PIEZO2: variants seen among roughly 807,000 people sequenced by gnomAD.
The protein encoded by PIEZO2 is piezo type mechanosensitive ion channel component 2, also known as piezo-type mechanosensitive ion channel component 2.
A neutral mutation model predicts 337.3 loss-of-function variants in PIEZO2; 172 were observed. The observed-to-expected ratio is 0.51, with a 90% CI of 0.45 to 0.58. PIEZO2 has a LOEUF of 0.58. Among genes scored for constraint, PIEZO2 ranks in the 20% least tolerant of loss-of-function variants. PIEZO2 has a pLI of 0.00. For missense variants in PIEZO2, 3,028 were observed against 3,391.3 expected (o/e 0.89, Z 2.66); for synonymous variants, 1,251 against 1,228.5 (o/e 1.02, Z -0.38).
chr18:10,719,568 T>C (rs1456522581), intron 36 of PIEZO2, among the ~76,000 whole-genome samples: 2 of 152,216 alleles, frequency 1.3e-5, no homozygotes, highest in Non-Finnish European at 2.9e-5. Flanking sequence ...CATATACATA[T>C]ATATCATTTT....
chr18:11,131,775 A>G lies in PIEZO2; in HGVS notation c.64+16750T>C, dbSNP rs977859187. 3.3e-5 allele frequency among the ~76,000 whole-genome samples: 5 copies of G among 152,178 alleles called. No homozygotes were observed. The highest frequency in any genetic ancestry group is 1.2e-4 in the African/African-American group (5 of 41,436). On this transcript the variant is annotated intron_variant, in intron 1 of 55. Coordinates refer to ENST00000674853, the MANE Select transcript of PIEZO2 (RefSeq NM_001378183.1). This position sits in a 1 kb window ranked among gnomAD's most constrained non-coding sequence, Gnocchi z 5.3. Reference sequence around the variant, plus strand: ...ACCTGAGTGGTCAAAAACTGTGAAGATATTTGTATCCCATGTGAGTGCTCA... The same window carrying G: ...ACCTGAGTGGTCAAAAACTGTGAAGGTATTTGTATCCCATGTGAGTGCTCA...
intron 4 of PIEZO2, among the ~76,000 whole-genome samples, chr18:10,900,407 C>T (rs1166121873): frequency 2.0e-5 from 3 of 152,150 alleles, no homozygotes; most frequent in African/African-American, 7.2e-5. Flanking sequence ...TAACTTTTCT[C>T]GTTGTGTGGG....
In PIEZO2 at chr18:10,957,672, G is replaced by A. The variant is rs543384089; in HGVS notation, c.286+21863C>T. Reference sequence around the variant, plus strand: ...AAGCAAAAAATAGACAAATGAGATTGCATCAAACCAAAAAGCTTCTGCACA... The same window carrying A: ...AAGCAAAAAATAGACAAATGAGATTACATCAAACCAAAAAGCTTCTGCACA... On this transcript the variant is annotated intron_variant, in intron 3 of 55. Transcript: ENST00000674853. Among the ~76,000 whole-genome samples, 8 of 152,186 alleles carry A rather than the reference G, an allele frequency of 5.3e-5. No homozygotes were observed. The East Asian group carries it at 1.5e-3, about 29-fold the overall frequency.
At chr18:10,875,933 G>T (rs1188789949) in intron 4 of PIEZO2, among the ~76,000 whole-genome samples, 1 of 152,216 alleles carries the variant, frequency 6.6e-6, no homozygotes, top group South Asian at 2.1e-4. Flanking sequence ...ATTGGGCTGC[G>T]ACCCCTACTT....
In PIEZO2 at chr18:10,794,784, T is replaced by C. The variant is rs1407501107; in HGVS notation, c.1746A>G (p.Glu582=). 1 of 1,530,460 alleles carries C rather than the reference T, an allele frequency of 6.5e-7. No individual in the cohort carries two copies. The highest frequency in any genetic ancestry group is 8.7e-7 in the Non-Finnish European group (1 of 1,143,344). 94.8% of individuals were successfully genotyped at this position (1,530,460 alleles called of 1,614,324 possible). A position where few individuals can be genotyped will look rare whatever the true frequency, so the allele number is the denominator to read the frequency against. The change falls in exon 13 of 56, where the codon GAA becomes GAG. Residue 582 remains glutamate (E), a synonymous_variant. Transcript: ENST00000674853. This position sits in a 1 kb window ranked among gnomAD's most constrained non-coding sequence, Gnocchi z 6.6. Reference sequence around the variant, plus strand: ...TCTATTCACTTACTTTGGAAGCAAGTTCTCCTGGCTCTTTCTTTTCTAAAA... The same window carrying C: ...TCTATTCACTTACTTTGGAAGCAAGCTCTCCTGGCTCTTTCTTTTCTAAAA... The part of the protein sequence containing the change: ...PGFLEKKEPG[E]LASKILFTIT...
chr18:10,701,934 C>G (rs1193586203), intron 43 of PIEZO2, 55 bp downstream of exon 43: 10 of 1,404,690 alleles, frequency 7.1e-6, no homozygotes, highest in Non-Finnish European at 9.3e-6. Context: ...GATTACGGTC[C>G]AGGTTATCTA....
intron 3 of PIEZO2, among the ~76,000 whole-genome samples, chr18:10,955,474 T>C (rs900138757): frequency 6.6e-6 from 1 of 152,200 alleles, no homozygotes; most frequent in African/African-American, 2.4e-5. Context: ...TGTATTTTAG[T>C]GTTTTGCTTC....
At chr18:10,915,333 G>A (rs11873907) in intron 3 of PIEZO2, among the ~76,000 whole-genome samples, 1,727 of 142,986 alleles carry the variant, frequency 0.012, 28 homozygotes, top group African/African-American at 0.041. Context: ...GGATGCCCTC[G>A]CCTTCCCTCA....
At chr18:11,113,587 C>T (rs1456183450) in intron 1 of PIEZO2, among the ~76,000 whole-genome samples, 1 of 152,176 alleles carries the variant, frequency 6.6e-6, no homozygotes, top group African/African-American at 2.4e-5. Flanking sequence ...TCTTACAGAC[C>T]TGGGAGGCCC....
chr18:10,793,186 G>A (rs1005008336), intron 13 of PIEZO2, among the ~76,000 whole-genome samples: 12 of 152,134 alleles, frequency 7.9e-5, no homozygotes, highest in Non-Finnish European at 1.3e-4. Context: ...GTGAACCCGG[G>A]AGGCGGAGCT....
intron 3 of PIEZO2, among the ~76,000 whole-genome samples, chr18:10,972,664 G>C (rs1322463764): frequency 6.6e-6 from 1 of 152,236 alleles, no homozygotes; most frequent in East Asian, 1.9e-4. Flanking sequence ...AACTGAAAAA[G>C]ACTATCATAG....
intron 2 of PIEZO2, among the ~76,000 whole-genome samples, chr18:11,011,758 C>T (rs2035911831): frequency 6.6e-6 from 1 of 152,180 alleles, no homozygotes; most frequent in Admixed American, 6.5e-5. Flanking sequence ...CAGAGCTGCC[C>T]CTTGATGTTC....
rs201610330 is a variant in PIEZO2, at chr18:10,759,931, CA to C, written c.3451-23del. 6,054 of 1,395,560 alleles carry C rather than the reference CA, an allele frequency of 4.3e-3. No homozygotes were observed. The highest frequency in any genetic ancestry group is 7.6e-3 in the South Asian group (568 of 74,784). 86.4% of individuals were successfully genotyped at this position (1,395,560 alleles called of 1,614,324 possible). A position where few individuals can be genotyped will look rare whatever the true frequency, so the allele number is the denominator to read the frequency against. Reference sequence around the variant, plus strand: ...AGGTCTGTGTAAAGATGAAAAGAGGCAAAAAAAAAAAATCAGGCATATGGGA... The same window carrying C: ...AGGTCTGTGTAAAGATGAAAAGAGGCAAAAAAAAAAATCAGGCATATGGGA... On this transcript the variant is annotated intron_variant, in intron 24 of 55. Coordinates refer to ENST00000674853, the MANE Select transcript of PIEZO2 (RefSeq NM_001378183.1). This position sits in a 1 kb window ranked among gnomAD's most constrained non-coding sequence, Gnocchi z 5.5.
In PIEZO2 at chr18:10,713,253, CAAT is replaced by C. The variant is rs1391394731; in HGVS notation, c.5423+1508_5423+1510del. ...CATACCAATAAATATGGATCTGCCT[CAAT>C]AATAATTATTGGGTAGCAAAATAAT... is the stretch of plus-strand genomic sequence containing the variant. On this transcript the variant is annotated intron_variant, in intron 39 of 55. Coordinates refer to ENST00000674853, the MANE Select transcript of PIEZO2 (RefSeq NM_001378183.1). This position sits in a 1 kb window ranked among gnomAD's most constrained non-coding sequence, Gnocchi z 4.5. Among the ~76,000 whole-genome samples, 1 of 152,024 alleles carries C rather than the reference CAAT, an allele frequency of 6.6e-6. No homozygotes were observed. Among genetic ancestry groups the C allele is most frequent in the African/African-American group, 2.4e-5 (1 of 41,404 alleles).
rs1048868771 is a variant in PIEZO2 at position 11,111,690 on chromosome 18, C to T, written c.64+36835G>A. On this transcript the variant is annotated intron_variant, in intron 1 of 55. Transcript: ENST00000674853. This position sits in a 1 kb window ranked among gnomAD's most constrained non-coding sequence, Gnocchi z 6.2. Reference sequence around the variant, plus strand: ...CATCCAATCCCCACTTAATTGAAGTCGACAAGGCTTCTTGAACTGACACCG... The same window carrying T: ...CATCCAATCCCCACTTAATTGAAGTTGACAAGGCTTCTTGAACTGACACCG... Among the ~76,000 whole-genome samples the T allele has an allele frequency of 1.3e-5, 2 of 152,188 alleles. No individual in the cohort carries two copies. Among genetic ancestry groups the T allele is most frequent in the African/African-American group, 4.8e-5 (2 of 41,432 alleles).
At chr18:10,699,495 G>A (rs2035242676) in intron 43 of PIEZO2, among the ~76,000 whole-genome samples, 1 of 152,154 alleles carries the variant, frequency 6.6e-6, no homozygotes, top group African/African-American at 2.4e-5. Context: ...CACCATCCAA[G>A]TAAGATGTGA....
rs1005906065 is a variant in PIEZO2 at position 10,994,318 on chromosome 18, C to T, written c.161-14658G>A. On this transcript the variant is annotated intron_variant, in intron 2 of 55. Transcript: ENST00000674853. Reference sequence around the variant, plus strand: ...AACATGCATATGCAAGTATCTTTCTCGTACAATGACTTCTTTTCCTCTTAG... The same window carrying T: ...AACATGCATATGCAAGTATCTTTCTTGTACAATGACTTCTTTTCCTCTTAG... 5.3e-5 allele frequency among the ~76,000 whole-genome samples: 8 copies of T among 152,134 alleles called. No individual in the cohort carries two copies. The East Asian group carries it at 9.7e-4, about 18-fold the overall frequency.
intron 2 of PIEZO2, among the ~76,000 whole-genome samples, chr18:10,991,618 C>T (rs2035108359): frequency 6.6e-6 from 1 of 152,088 alleles, no homozygotes; most frequent in Non-Finnish European, 1.5e-5. Context: ...TTTTCTTTAT[C>T]CAGCCTATCA....
rs117397849 is a variant in PIEZO2, at chr18:10,862,317, T to G, written c.493-5106A>C. On this transcript the variant is annotated intron_variant, in intron 5 of 55. Transcript: ENST00000674853. The surrounding 1 kb of genome is among the most constrained non-coding windows in gnomAD (Gnocchi z 4.4). ...ATGTATTAGTGTAAGATCTCTCATT[T>G]CACATAAGGAAACTTTAGGTGCTAT... 0.018 allele frequency among the ~76,000 whole-genome samples: 2,700 copies of G among 152,156 alleles called. 41 individuals are homozygous for G. Among genetic ancestry groups the G allele is most frequent in the Non-Finnish European group, 0.025 (1,683 of 67,990 alleles).
Sources: allele counts gnomAD v4.1 joint callset (sites outside exome capture counted in the v4.1 genomes callset), GRCh38; gene constraint gnomAD v4.1.1; non-coding constraint Gnocchi (gnomAD v3.1); transcripts MANE v1.5; gene names NCBI Gene and HGNC (gene_info 2026-07-23, HGNC 2026-07-21).